The following CACNA1H variants were observed in gnomAD, a reference collection of about 807,000 sequenced individuals.
CACNA1H encodes the protein calcium voltage-gated channel subunit alpha1 H.
In CACNA1H, 149 loss-of-function variants were observed where a neutral mutation model predicts 192.5. That is an observed-to-expected ratio of 0.77 (90% confidence interval 0.68 to 0.89). The LOEUF is 0.89. Among genes scored for constraint, CACNA1H ranks in the 40% least tolerant of loss-of-function variants. The pLI, the probability that CACNA1H is intolerant of heterozygous loss-of-function variation, is 0.00. For synonymous variants in CACNA1H, 2,202 were observed against 1,475.2 expected, an observed-to-expected ratio of 1.49 and a Z score of -11.29; for missense variants, 4,257 against 3,423.5, an observed-to-expected ratio of 1.24 and a Z score of -6.08.
chr16:1,203,587 A>G (rs961680562), intron 9 of CACNA1H, among the ~76,000 whole-genome samples: 1 of 152,106 alleles, frequency 6.6e-6, no homozygotes, highest in Non-Finnish European at 1.5e-5. Flanking sequence ...ACAGCGGAAA[A>G]TCACTCAGCT....
chr16:1,192,322 T>C (rs34201093), intron 2 of CACNA1H, among the ~76,000 whole-genome samples: 63,940 of 152,092 alleles, frequency 0.42, 14,775 homozygotes, highest in African/African-American at 0.61. Flanking sequence ...GAGGAGTTGC[T>C]AGGCACTGGG....
At chr16:1,199,709 C>A (rs959034999) in intron 6 of CACNA1H, among the ~76,000 whole-genome samples, 4 of 150,840 alleles carry the variant, frequency 2.7e-5, no homozygotes, top group Non-Finnish European at 5.9e-5. Context: ...CCCGAGTCTC[C>A]CCTCAGCCTT....
Position 1,208,144 on chromosome 16 carries a change from G to A in CACNA1H, c.3286G>A (p.Ala1096Thr), listed in dbSNP as rs1467122050. 2 of 1,583,086 alleles carry A rather than the reference G, an allele frequency of 1.3e-6. No homozygotes were observed. Among genetic ancestry groups the A allele is most frequent in the Admixed American group, 1.8e-5 (1 of 56,404 alleles). Residue 1096 changes from alanine to threonine, a missense_variant, in exon 16 of 35, where the codon GCA becomes ACA. Transcript: ENST00000348261. ...CCCCAAGAGCTCACCATTCCTGGAT[G>A]CAGCCCCCAGCCTCCCAGACTCTCG... ...PTPKSSPFLD[A>T]APSLPDSRRG...
At chr16:1,164,171 G>A (rs1014761792) in intron 2 of CACNA1H, among the ~76,000 whole-genome samples, 7 of 152,154 alleles carry the variant, frequency 4.6e-5, no homozygotes, top group South Asian at 2.1e-4. Flanking sequence ...CAGGATGCCC[G>A]TTCAGTTATG....
rs780522034 is a variant in CACNA1H, at chr16:1,200,393, C to G, written c.941C>G (p.Pro314Arg). 89 of 1,607,062 alleles carry G rather than the reference C, an allele frequency of 5.5e-5. No homozygotes were observed. The highest frequency in any genetic ancestry group is 7.2e-5 in the Non-Finnish European group (85 of 1,178,152). ...CCCGGCCGCCGCGAGCTGCGCATGC[C>G]CTGCACCCTGGGCTGGGAGGCCTAC... The part of the protein sequence containing the change: ...HIPGRRELRM[P>R]CTLGWEAYTQ... The change falls in exon 7 of 35, where the codon CCC (proline) becomes CGC (arginine). Residue 314 changes from proline (P) to arginine (R), a missense_variant. Physicochemically the swap from Pro to Arg is moderately radical, Grantham distance 103. Transcript: ENST00000348261.
Position 1,173,670 on chromosome 16 carries a change from G to A in CACNA1H, c.299+19634G>A, listed in dbSNP as rs562138386. ...TCTGCCTGGCCTGGTGGAAGCATCCGGGAACGCCCGTCGGAGGGGTGAGGG... is the reference window on the plus strand; with the variant it reads ...TCTGCCTGGCCTGGTGGAAGCATCCAGGAACGCCCGTCGGAGGGGTGAGGG... On this transcript the variant is annotated intron_variant, in intron 2 of 34. Coordinates refer to ENST00000348261, the MANE Select transcript of CACNA1H (RefSeq NM_021098.3). Among the ~76,000 whole-genome samples the A allele has an allele frequency of 7.2e-5, 11 of 152,320 alleles. No homozygotes were observed. The South Asian group carries it at 1.9e-3, about 26-fold the overall frequency.
Position 1,217,006 on chromosome 16 carries a change from G to A in CACNA1H, c.5319G>A (p.Arg1773=), listed in dbSNP as rs1191160722. Residue 1773 remains arginine (R), a synonymous_variant, in exon 31 of 35, where the codon AGG becomes AGA. Coordinates refer to ENST00000348261, the MANE Select transcript of CACNA1H (RefSeq NM_021098.3). ...YAALGVELFG[R]LECSEDNPCE... is the part of the protein sequence containing the mutation. ...CGCTGGGAGTGGAGCTGTTCGGGAG[G>A]CTGGGTGAGTGGCTCCTGCGCCCTC... The A allele has an allele frequency of 1.9e-6, 3 of 1,591,558 alleles. No individual in the cohort carries two copies. Among genetic ancestry groups the A allele is most frequent in the Middle Eastern group, 1.7e-4 (1 of 6,036 alleles).
intron 2 of CACNA1H, among the ~76,000 whole-genome samples, chr16:1,187,367 C>T (rs529431647): frequency 2.6e-5 from 4 of 152,210 alleles, no homozygotes; most frequent in Non-Finnish European, 5.9e-5. Context: ...TGCCTGTGAC[C>T]TCAGCTGCAG....
At chr16:1,172,319 G>A (rs970007806) in intron 2 of CACNA1H, among the ~76,000 whole-genome samples, 1 of 152,164 alleles carries the variant, frequency 6.6e-6, no homozygotes, top group African/African-American at 2.4e-5. Flanking sequence ...AAAGGAGCTC[G>A]GGGAGCCAGG....
intron 2 of CACNA1H, among the ~76,000 whole-genome samples, chr16:1,169,940 C>T (rs1040423004): frequency 2.6e-5 from 4 of 152,214 alleles, no homozygotes; most frequent in Admixed American, 1.3e-4. Flanking sequence ...TTTTTCTGAG[C>T]GTTTGAAATA....
Position 1,209,343 on chromosome 16 carries a change from C to G in CACNA1H, c.3675C>G (p.Pro1225=), listed in dbSNP as rs1454878776. The part of the protein sequence containing the change: ...RDRDGQVVAL[P]SDFFLRIDSH... ...GCGACGGGCAGGTGGTGGCCCTGCC[C>G]AGCGACTTCTTCCTGCGCATCGACA... The change falls in exon 17 of 35, where the codon CCC becomes CCG. Residue 1225 remains proline (P), a synonymous_variant. Coordinates refer to ENST00000348261, the MANE Select transcript of CACNA1H (RefSeq NM_021098.3). 42 of 1,598,042 alleles carry G rather than the reference C, an allele frequency of 2.6e-5. No individual in the cohort carries two copies. The South Asian group carries it at 4.4e-4, about 17-fold the overall frequency.
chr16:1,190,732 T>G lies in CACNA1H; in HGVS notation c.300-4240T>G, dbSNP rs188128922. 7.2e-4 allele frequency among the ~76,000 whole-genome samples: 109 copies of G among 152,278 alleles called. 1 individual carries two copies. Among genetic ancestry groups the G allele is most frequent in the African/African-American group, 2.5e-3 (104 of 41,536 alleles). On this transcript the variant is annotated intron_variant, in intron 2 of 34. Transcript: ENST00000348261. Reference sequence around the variant, plus strand: ...GTGGGGTCCTTGCCATTGGAGGAGCTCTCTGGGATTGTGGGGCTAATTTTG... The same window carrying G: ...GTGGGGTCCTTGCCATTGGAGGAGCGCTCTGGGATTGTGGGGCTAATTTTG...
At chr16:1,195,129 A>T in intron 3 of CACNA1H, 46 bp downstream of exon 3, 1 of 352,834 alleles carries the variant, frequency 2.8e-6, no homozygotes, top group Non-Finnish European at 5.1e-6. Flanking sequence ...GGTCGCTACG[A>T]GGTTTATGGT....
intron 2 of CACNA1H, among the ~76,000 whole-genome samples, chr16:1,168,483 C>T (rs1358948205): frequency 6.6e-6 from 1 of 152,018 alleles, no homozygotes; most frequent in Non-Finnish European, 1.5e-5. Flanking sequence ...GGGGGACCCT[C>T]CAGCTTCCCT....
chr16:1,204,301 A>G lies in CACNA1H; in HGVS notation c.2294A>G (p.Gln765Arg), dbSNP rs372489040. The G allele has an allele frequency of 8.3e-5, 133 of 1,603,840 alleles. 2 individuals carry two copies. The Admixed American group carries it at 2.2e-3, about 27-fold the overall frequency. Residue 765 changes from glutamine (Q) to arginine (R), a missense_variant, in exon 10 of 35, where the codon CAG becomes CGG. Coordinates refer to ENST00000348261, the MANE Select transcript of CACNA1H (RefSeq NM_021098.3). The stretch of plus-strand genomic sequence containing the variant: ...GGCAGCCCCCAGCGGCGGGCACAGC[A>G]GAGGGCAGCCCCGGGCGAGCCAGGC... ...GPGSPQRRAQ[Q>R]RAAPGEPGWM...
chr16:1,195,097 G>T lies in CACNA1H; in HGVS notation c.411+14G>T, dbSNP rs768564174. Reference sequence around the variant, plus strand: ...AACATCCTGGAGGTGAGGGGCGTGGGTCGGGGTGGGGAAGGAGCGTGGGTC... The same window carrying T: ...AACATCCTGGAGGTGAGGGGCGTGGTTCGGGGTGGGGAAGGAGCGTGGGTC... On this transcript the variant is annotated intron_variant, in intron 3 of 34. Coordinates refer to ENST00000348261, the MANE Select transcript of CACNA1H (RefSeq NM_021098.3). 6.4e-7 allele frequency: 1 copy of T among 1,560,102 alleles called. No homozygotes were observed. The highest frequency in any genetic ancestry group is 8.8e-7 in the Non-Finnish European group (1 of 1,135,664).
intron 2 of CACNA1H, among the ~76,000 whole-genome samples, chr16:1,184,164 C>CGGT (rs1425519077): frequency 6.6e-6 from 1 of 152,232 alleles, no homozygotes; most frequent in Non-Finnish European, 1.5e-5. Context: ...AGGGGGCTTC[C>CGGT]GGTGCTTCAG....
chr16:1,190,184 T>C (rs1183274126), intron 2 of CACNA1H, among the ~76,000 whole-genome samples: 1 of 152,244 alleles, frequency 6.6e-6, no homozygotes, highest in Non-Finnish European at 1.5e-5. Context: ...TCTGCCGCCC[T>C]GCAGCCAGCA....
chr16:1,208,939 C>T (rs1969090044), intron 16 of CACNA1H, 93 bp from the exon 17 acceptor site: 3 of 1,275,240 alleles, frequency 2.4e-6, no homozygotes, highest in South Asian at 1.9e-5. Context: ...TTAAATGATC[C>T]ACGTGTGGCT....
Sources: allele counts gnomAD v4.1 joint callset (sites outside exome capture counted in the v4.1 genomes callset), GRCh38; gene constraint gnomAD v4.1.1; transcripts MANE v1.5; gene names NCBI Gene and HGNC (gene_info 2026-07-23, HGNC 2026-07-21).